Variants in SVOPL observed in about 807,000 individuals in gnomAD.
The protein encoded by SVOPL is SVOP like, also known as putative transporter SVOPL.
In SVOPL, 60 loss-of-function variants were observed where a neutral mutation model predicts 61.0. The ratio of observed to expected loss-of-function variants is 0.98; its 90% CI spans 0.80 to 1.22. SVOPL has a LOEUF of 1.22. SVOPL is among the 50% of genes most tolerant of loss of function. The pLI, the probability that SVOPL is intolerant of heterozygous loss-of-function variation, is 0.00. For missense variants in SVOPL, 662 were observed against 643.9 expected (o/e 1.03, Z -0.30); for synonymous variants, 279 against 250.0 (o/e 1.12, Z -1.09).
In SVOPL at chr7:138,620,124, G is replaced by GTT. The variant is rs68156955; in HGVS notation, c.1353+920_1353+921dup. On this transcript the variant is annotated intron_variant, in intron 14 of 15. Transcript: ENST00000674285. ...TTCTTTTTTGTTTTTTTTCTGTTTT[G>GTT]TTTTTTTTTTTTTTTTGAGATAGAG... Among the ~76,000 whole-genome samples the GTT allele has an allele frequency of 2.9e-3, 334 of 114,630 alleles. 11 individuals are homozygous for GTT. Among genetic ancestry groups the GTT allele is most frequent in the East Asian group, 6.9e-3 (27 of 3,912 alleles). The allele number at this position is 114,630 out of a possible 152,430, so 75.2% of individuals were successfully genotyped here.
At position 138,618,959 on chromosome 7, in the gene SVOPL, T is replaced by C. The variant is rs77181218; in HGVS notation, c.1353+2087A>G. Among the ~76,000 whole-genome samples the C allele has an allele frequency of 8.8e-3, 1,332 of 152,228 alleles. 20 individuals carry two copies. The highest frequency in any genetic ancestry group is 0.03 in the African/African-American group (1,245 of 41,518). On this transcript the variant is annotated intron_variant, in intron 14 of 15. Coordinates refer to ENST00000674285, the MANE Select transcript of SVOPL (RefSeq NM_001139456.2). ...GAGACCTGGTCCCAGCTGGGTTCTTTCCTAAACCACAAACCCACCAACAGC... is the reference window on the plus strand; with the variant it reads ...GAGACCTGGTCCCAGCTGGGTTCTTCCCTAAACCACAAACCCACCAACAGC...
At chr7:138,647,534 T>G (rs982288437) in intron 8 of SVOPL, among the ~76,000 whole-genome samples, 1 of 151,454 alleles carries the variant, frequency 6.6e-6, no homozygotes, top group African/African-American at 2.4e-5. Context: ...GGAGATGGGA[T>G]ATACTGTTGA....
chr7:138,678,142 C>A lies in SVOPL; in HGVS notation c.174+292G>T, dbSNP rs545998437. 3.9e-5 allele frequency among the ~76,000 whole-genome samples: 6 copies of A among 152,280 alleles called. No homozygotes were observed. In the South Asian group the frequency reaches 1.2e-3, roughly 32 times the overall value. ...TAGACAAACTCAACCAATTGTCAAT[C>A]AGAAAATGTTTACATTTACCTATAG... On this transcript the variant is annotated intron_variant, in intron 3 of 15. Transcript: ENST00000674285.
At chr7:138,632,293 G>T (rs770958610) in intron 9 of SVOPL, among the ~76,000 whole-genome samples, 3 of 152,158 alleles carry the variant, frequency 2.0e-5, no homozygotes, top group Non-Finnish European at 4.4e-5. Flanking sequence ...ATTTAGCCAG[G>T]CGTGATGGCA....
At chr7:138,667,595 TCA>T (rs1323541276) in intron 4 of SVOPL, among the ~76,000 whole-genome samples, 2 of 152,208 alleles carry the variant, frequency 1.3e-5, no homozygotes, top group African/African-American at 4.8e-5. Flanking sequence ...AATTAAAATC[TCA>T]CAGACATGTA....
intron 1 of SVOPL, among the ~76,000 whole-genome samples, chr7:138,679,419 G>A (rs555966527): frequency 3.2e-4 from 48 of 152,136 alleles, no homozygotes; most frequent in Middle Eastern, 3.4e-3. Context: ...ACAGGCATGC[G>A]TCACCATGCC....
Position 138,628,270 on chromosome 7 carries a change from C to T in SVOPL, c.957G>A (p.Ala319=), listed in dbSNP as rs367818771. ...CTGAGTCCCCCCCAGTCACCACCAC[C>T]GCAGAGTCTGACTTTGAACCACAGA... The part of the protein sequence containing the change: ...DLVCGSKSDS[A]VVVTGGDSGE... The change falls in exon 11 of 16, where the codon GCG becomes GCA. Residue 319 remains alanine, a synonymous_variant. Coordinates refer to ENST00000674285, the MANE Select transcript of SVOPL (RefSeq NM_001139456.2). The T allele has an allele frequency of 2.9e-5, 47 of 1,614,086 alleles. No homozygotes were observed. Among genetic ancestry groups the T allele is most frequent in the African/African-American group, 2.4e-4 (18 of 74,918 alleles).
chr7:138,663,205 C>A (rs566896811), intron 4 of SVOPL, 60 bp from the exon 5 acceptor site: 10 of 1,576,836 alleles, frequency 6.3e-6, no homozygotes, highest in Admixed American at 1.9e-5. Context: ...TACTTTACCC[C>A]GTTAGCCATT....
At chr7:138,627,629 T>C (rs1338869540) in intron 11 of SVOPL, among the ~76,000 whole-genome samples, 168 bp from the exon 12 acceptor site, 4 of 152,228 alleles carry the variant, frequency 2.6e-5, no homozygotes, top group Non-Finnish European at 4.4e-5. Context: ...TCAAGACTTT[T>C]TACATATACT....
At chr7:138,658,554 G>A (rs908789647) in intron 6 of SVOPL, among the ~76,000 whole-genome samples, 6 of 152,102 alleles carry the variant, frequency 3.9e-5, no homozygotes, top group African/African-American at 1.4e-4. Context: ...TCAGATTACA[G>A]ATGCGAGCCA....
chr7:138,608,065 T>C (rs919191963), intron 14 of SVOPL, among the ~76,000 whole-genome samples: 1 of 152,060 alleles, frequency 6.6e-6, no homozygotes, highest in African/African-American at 2.4e-5. Flanking sequence ...GCAAGACACA[T>C]AGGATCTATT....
intron 14 of SVOPL, chr7:138,596,938 G>T: frequency 9.0e-7 from 1 of 1,116,232 alleles, no homozygotes; most frequent in Non-Finnish European, 1.1e-6. Flanking sequence ...CTTCAGTCCT[G>T]ACAGCATGAA....
rs770404185 is a variant in SVOPL at position 138,615,560 on chromosome 7, C to CAAAAAAAAAAAAAAAAAA, written c.1353+5468_1353+5485dup. Reference sequence around the variant, plus strand: ...GGGTGACAGAGCGAGACTCCGTCTCCAAAAAAAAAAAAAAAAAAAAAAAAA... The same window carrying CAAAAAAAAAAAAAAAAAA: ...GGGTGACAGAGCGAGACTCCGTCTCCAAAAAAAAAAAAAAAAAAAAAAAAAAAAAAAAAAAAAAAAAAA... On this transcript the variant is annotated intron_variant, in intron 14 of 15. Coordinates refer to ENST00000674285, the MANE Select transcript of SVOPL (RefSeq NM_001139456.2). Among the ~76,000 whole-genome samples, 13 of 5,544 alleles carry CAAAAAAAAAAAAAAAAAA rather than the reference C, an allele frequency of 2.3e-3. 3 individuals are homozygous for CAAAAAAAAAAAAAAAAAA. Among genetic ancestry groups the CAAAAAAAAAAAAAAAAAA allele is most frequent in the African/African-American group, 4.0e-3 (12 of 3,016 alleles). The allele number at this position is 5,544 out of a possible 152,430, so 3.6% of individuals were successfully genotyped here.
At chr7:138,602,454 T>C (rs1360703822) in intron 14 of SVOPL, among the ~76,000 whole-genome samples, 44 of 16,590 alleles carry the variant, frequency 2.7e-3, no homozygotes, top group African/African-American at 0.019. Context: ...TATATATATA[T>C]ATATATATAT....
intron 9 of SVOPL, among the ~76,000 whole-genome samples, chr7:138,632,304 C>T (rs191534794): frequency 2.1e-3 from 322 of 152,250 alleles, no homozygotes; most frequent in African/African-American, 7.0e-3. Flanking sequence ...CGTGATGGCA[C>T]GCACCTGTAA....
intron 1 of SVOPL, among the ~76,000 whole-genome samples, chr7:138,690,136 T>A (rs1175967182): frequency 6.6e-6 from 1 of 152,178 alleles, no homozygotes; most frequent in Non-Finnish European, 1.5e-5. Context: ...CTCAGACTTC[T>A]AGCCTCTCGA....
chr7:138,699,710 G>A (rs1314875049), intron 1 of SVOPL, among the ~76,000 whole-genome samples: 4 of 152,146 alleles, frequency 2.6e-5, no homozygotes, highest in Admixed American at 6.6e-5. Context: ...TCTTCCAAAG[G>A]CATAGTTGGT....
intron 9 of SVOPL, among the ~76,000 whole-genome samples, chr7:138,641,948 CA>C: frequency 6.7e-6 from 1 of 149,624 alleles, no homozygotes; most frequent in East Asian, 1.9e-4. Context: ...CACACACACA[CA>C]CGTACATATA....
At chr7:138,647,098 G>A (rs756939163) in intron 8 of SVOPL, among the ~76,000 whole-genome samples, 20 of 152,308 alleles carry the variant, frequency 1.3e-4, no homozygotes, top group East Asian at 1.9e-4. Flanking sequence ...GATGATGGCC[G>A]GGCGCAGTGG....
Sources: allele counts gnomAD v4.1 joint callset (sites outside exome capture counted in the v4.1 genomes callset), GRCh38; gene constraint gnomAD v4.1.1; transcripts MANE v1.5; gene names NCBI Gene and HGNC (gene_info 2026-07-23, HGNC 2026-07-21).